The following MED1 variants were observed in gnomAD, a reference collection of about 807,000 sequenced individuals.
MED1 encodes the protein mediator of RNA polymerase II transcription subunit 1.
A neutral mutation model predicts 121.3 loss-of-function variants in MED1; 17 were observed. The observed-to-expected ratio is 0.14, with a 90% CI of 0.10 to 0.21. The LOEUF is 0.21. Ranked by LOEUF, MED1 falls within the 10% of genes least tolerant of loss-of-function variation. The probability of loss-of-function intolerance (pLI) is 1.00; values close to 1 mark genes in which losing one functional copy is unlikely to be tolerated. For synonymous variants in MED1, 661 were observed against 694.4 expected (o/e 0.95, Z 0.76); for missense variants, 1,558 against 1,919.4 (o/e 0.81, Z 3.52).
At chr17:39,439,424 C>T (rs1416593057) in intron 5 of MED1, among the ~76,000 whole-genome samples, 1 of 152,204 alleles carries the variant, frequency 6.6e-6, no homozygotes, top group East Asian at 1.9e-4. Context: ...AAAGAATCTA[C>T]TTTCAGTAGC....
At position 39,419,830 on chromosome 17, in the gene MED1, T is replaced by C; in HGVS notation, c.1184A>G (p.Lys395Arg). Residue 395 changes from lysine to arginine, a missense_variant, in exon 14 of 17, where the codon AAA (lysine) becomes AGA (arginine). This residue lies in a region of MED1 where 443 missense variants were observed against 532.4 expected (regional missense o/e 0.83). Transcript: ENST00000300651. ...GRSLQGTLVS[K>R]ITFQHPGRVP... is the part of the protein sequence containing the mutation. The stretch of plus-strand genomic sequence containing the variant: ...TCGGCCAGGGTGCTGAAAGGTGATT[T>C]TGCTAACAAGGGTTCCCTGTAGACT... 6.2e-7 allele frequency: 1 copy of C among 1,614,098 alleles called. No homozygotes were observed. The highest frequency in any genetic ancestry group is 8.5e-7 in the Non-Finnish European group (1 of 1,179,984).
chr17:39,427,001 G>A (rs2048521188), intron 10 of MED1, among the ~76,000 whole-genome samples: 1 of 151,860 alleles, frequency 6.6e-6, no homozygotes, highest in African/African-American at 2.4e-5. Flanking sequence ...GTATGCTACA[G>A]TCTCAAACTC....
At chr17:39,429,864 A>C (rs2048549709) in intron 9 of MED1, among the ~76,000 whole-genome samples, 2 of 152,068 alleles carry the variant, frequency 1.3e-5, no homozygotes, top group African/African-American at 2.4e-5. Flanking sequence ...TGGCAGGAAG[A>C]TCACTTGATC....
Position 39,431,141 on chromosome 17 carries a change from A to G in MED1, c.623T>C (p.Val208Ala). ...CCCACTCCTTGGTGTGAGATAGCCA[A>G]CACTTCCATGAAGAATCTTATCCAA... is the stretch of plus-strand genomic sequence containing the variant. ...GPLDKILHGS[V>A]GYLTPRSGGH... The change falls in exon 9 of 17, where the codon GTT (valine) becomes GCT (alanine). Residue 208 changes from valine to alanine, a missense_variant. Val to Ala is a moderately conservative substitution (Grantham distance 64). This residue lies in a region of MED1 where 443 missense variants were observed against 532.4 expected (regional missense o/e 0.83). Transcript: ENST00000300651. 1.2e-6 allele frequency: 2 copies of G among 1,613,802 alleles called. No individual in the cohort carries two copies. The highest frequency in any genetic ancestry group is 8.5e-7 in the Non-Finnish European group (1 of 1,179,708).
intron 14 of MED1, 87 bp downstream of exon 14, chr17:39,419,630 A>T: frequency 7.4e-7 from 1 of 1,352,950 alleles, no homozygotes; most frequent in Admixed American, 2.0e-5. Flanking sequence ...TAAGTTCTAC[A>T]GGTGATTCTG....
In MED1 at chr17:39,415,251, C is replaced by T; in HGVS notation, c.1386G>A (p.Leu462=). The T allele has an allele frequency of 6.2e-7, 1 of 1,613,400 alleles. No individual in the cohort carries two copies. Among genetic ancestry groups the T allele is most frequent in the Non-Finnish European group, 8.5e-7 (1 of 1,179,322 alleles). ...GCCACCCACACAACTCACCACACAC[C>T]AGGGAGTCATTCACAGGGTGCTGAA... ...VSFQHPVNDS[L]VCVVMDVQDS... is the part of the protein sequence containing the mutation. The change falls in exon 15 of 17, where the codon CTG becomes CTA. Residue 462 remains leucine, a synonymous_variant. Coordinates refer to ENST00000300651, the MANE Select transcript of MED1 (RefSeq NM_004774.4).
chr17:39,428,076 G>A (rs890766426), intron 9 of MED1, among the ~76,000 whole-genome samples: 1 of 152,006 alleles, frequency 6.6e-6, no homozygotes, highest in African/African-American at 2.4e-5. Context: ...TAGGCCGGGC[G>A]CGATGGCTAA....
At chr17:39,413,912 T>A (rs1597854187) in intron 16 of MED1, among the ~76,000 whole-genome samples, 1 of 69,852 alleles carries the variant, frequency 1.4e-5, no homozygotes, top group Non-Finnish European at 2.6e-5. Context: ...GTAATATCAT[T>A]AAAAAAAAAA....
chr17:39,436,369 G>GAAA (rs10712248), intron 6 of MED1, among the ~76,000 whole-genome samples: 1 of 114,904 alleles, frequency 8.7e-6, no homozygotes, highest in Non-Finnish European at 1.7e-5. Context: ...TCAAAAAAAA[G>GAAA]AAAAAAAAAA....
intron 13 of MED1, among the ~76,000 whole-genome samples, chr17:39,422,755 G>A (rs1335229513): frequency 6.6e-6 from 1 of 151,560 alleles, no homozygotes; most frequent in African/African-American, 2.4e-5. Flanking sequence ...GATTACAGGT[G>A]TGAGCCACTG....
chr17:39,445,337 C>G (rs1412010504), intron 2 of MED1: 1 of 151,938 alleles, frequency 6.6e-6, no homozygotes, highest in South Asian at 2.1e-4. Flanking sequence ...CTCAGCCTCC[C>G]GAGTAGCTGG....
At chr17:39,435,636 C>G (rs2048611181) in intron 6 of MED1, among the ~76,000 whole-genome samples, 1 of 152,128 alleles carries the variant, frequency 6.6e-6, no homozygotes, top group South Asian at 2.1e-4. Context: ...TATTCTTTAA[C>G]TTAATATTAC....
Position 39,409,661 on chromosome 17 carries a change from G to A in MED1, c.2560C>T (p.Pro854Ser), listed in dbSNP as rs776710701. 8.1e-6 allele frequency: 13 copies of A among 1,614,052 alleles called. No individual in the cohort carries two copies. The highest frequency in any genetic ancestry group is 1.1e-5 in the South Asian group (1 of 91,088). ...DAAGSPSSDS[P>S]TNHFFHDGVD... ...CCATCATGAAAAAAATGATTGGTAG[G>A]AGAGTCACTACTGGGGCTTCCAGCA... The change falls in exon 17 of 17, where the codon CCT (proline) becomes TCT (serine). Residue 854 changes from proline (P) to serine (S), a missense_variant. By Grantham distance (74) the Pro-to-Ser change is moderately conservative. Around this residue, in one of 5 missense-constraint regions of MED1, gnomAD observed 793 missense variants for 898.2 expected, o/e 0.88. Transcript: ENST00000300651.
intron 13 of MED1, among the ~76,000 whole-genome samples, chr17:39,421,107 A>C (rs1397587961): frequency 6.6e-6 from 1 of 150,458 alleles, no homozygotes; most frequent in Non-Finnish European, 1.5e-5. Context: ...CATCAGCCTA[A>C]TTTTTGTATT....
chr17:39,407,974 C>G lies in MED1; in HGVS notation c.4247G>C (p.Ser1416Thr). The change falls in exon 17 of 17, where the codon AGT (serine) becomes ACT (threonine). Residue 1416 changes from serine (S) to threonine (T), a missense_variant. Coordinates refer to ENST00000300651, the MANE Select transcript of MED1 (RefSeq NM_004774.4). Reference sequence around the variant, plus strand: ...TTGAGGCCTAAGCCCTTCTCCACTACTTTCCCCAGGTTTCTGCAAAGTCAC... The same window carrying G: ...TTGAGGCCTAAGCCCTTCTCCACTAGTTTCCCCAGGTTTCTGCAAAGTCAC... Reference protein sequence around the residue: ...AKVTLQKPGESSGEGLRPQMA... With the variant: ...AKVTLQKPGETSGEGLRPQMA... 6.2e-7 allele frequency: 1 copy of G among 1,614,150 alleles called. No individual in the cohort carries two copies. Among genetic ancestry groups the G allele is most frequent in the Non-Finnish European group, 8.5e-7 (1 of 1,180,054 alleles).
chr17:39,404,976 C>T lies in MED1; in HGVS notation c.*2499G>A, dbSNP rs1250088297. 8.4e-6 allele frequency: 3 copies of T among 358,118 alleles called. No individual in the cohort carries two copies. The highest frequency in any genetic ancestry group is 1.5e-5 in the Non-Finnish European group (3 of 198,580). The allele number at this position is 358,118 out of a possible 1,614,324, so 22.2% of individuals were successfully genotyped here. A position where few individuals can be genotyped will look rare whatever the true frequency, so the allele number is the denominator to read the frequency against. ...TGACCAAGAACCCCTAATGTTAAGT[C>T]AAAAGACAGAAGAGGAATCAGGTCA... is the stretch of plus-strand genomic sequence containing the variant. On this transcript the variant is annotated 3_prime_UTR_variant, in exon 17 of 17. Coordinates refer to ENST00000300651, the MANE Select transcript of MED1 (RefSeq NM_004774.4).
intron 7 of MED1, among the ~76,000 whole-genome samples, chr17:39,433,514 A>AT (rs61452797): frequency 1.3e-5 from 2 of 148,608 alleles, no homozygotes; most frequent in African/African-American, 2.6e-5. Context: ...TTTAAAATAA[A>AT]TTTTTTTTGT....
intron 1 of MED1, among the ~76,000 whole-genome samples, chr17:39,449,836 C>T (rs2048764928): frequency 1.2e-5 from 1 of 82,692 alleles, no homozygotes; most frequent in South Asian, 4.3e-4. Flanking sequence ...TTTTTTGAGA[C>T]GAAGTTTCGC....
rs1219263926 is a variant in MED1, at chr17:39,440,912, T to C, written c.212-235A>G. Reference sequence around the variant, plus strand: ...GAACCTTTCTCCTCTCCTGTTTTCATTACTCCTTATGTGGGACAAACTGCC... The same window carrying C: ...GAACCTTTCTCCTCTCCTGTTTTCACTACTCCTTATGTGGGACAAACTGCC... On this transcript the variant is annotated intron_variant, in intron 3 of 16. Coordinates refer to ENST00000300651, the MANE Select transcript of MED1 (RefSeq NM_004774.4). This position sits in a 1 kb window ranked among gnomAD's most constrained non-coding sequence, Gnocchi z 4.1. Among the ~76,000 whole-genome samples the C allele has an allele frequency of 6.6e-6, 1 of 152,118 alleles. No individual in the cohort carries two copies. Among genetic ancestry groups the C allele is most frequent in the Non-Finnish European group, 1.5e-5 (1 of 68,026 alleles).
Sources: allele counts gnomAD v4.1 joint callset (sites outside exome capture counted in the v4.1 genomes callset), GRCh38; gene constraint gnomAD v4.1.1; regional missense constraint gnomAD v4.1.1; non-coding constraint Gnocchi (gnomAD v3.1); transcripts MANE v1.5; gene names NCBI Gene and HGNC (gene_info 2026-07-23, HGNC 2026-07-21).